CCDC3: variants seen among roughly 807,000 people sequenced by gnomAD.
The protein encoded by CCDC3 is coiled-coil domain-containing protein 3.
CCDC3 carries 24 observed loss-of-function variants against 21.4 expected under a neutral mutation model. The observed-to-expected ratio is 1.12, with a 90% CI of 0.81 to 1.58. The LOEUF (loss-of-function observed/expected upper bound fraction) is 1.58, where lower values mean the gene tolerates loss of function less well. Ranked by LOEUF, CCDC3 falls within the 40% of genes most tolerant of loss-of-function variation. The pLI, the probability that CCDC3 is intolerant of heterozygous loss-of-function variation, is 0.00. For synonymous variants in CCDC3, 186 were observed against 166.0 expected (o/e 1.12, Z -0.93); for missense variants, 425 against 360.9 (o/e 1.18, Z -1.44).
intron 1 of CCDC3, among the ~76,000 whole-genome samples, chr10:13,000,883 G>T (rs187705145): frequency 6.6e-6 from 1 of 152,300 alleles, no homozygotes; most frequent in African/African-American, 2.4e-5. Flanking sequence ...TCCCACTGAG[G>T]CCAGTTTAAA....
chr10:13,084,550 G>A (rs948495332), intron 3 of CCDC3, among the ~76,000 whole-genome samples: 2 of 152,136 alleles, frequency 1.3e-5, no homozygotes, highest in African/African-American at 4.8e-5. Flanking sequence ...GCCTCCCAAA[G>A]TGCTGGGATT....
intron 2 of CCDC3, among the ~76,000 whole-genome samples, chr10:12,976,102 T>C (rs1835413746): frequency 6.6e-6 from 1 of 152,076 alleles, no homozygotes; most frequent in Non-Finnish European, 1.5e-5. Context: ...CATCCCAGAG[T>C]GACAATCCCA....
chr10:12,972,504 T>C (rs760236174), intron 2 of CCDC3, among the ~76,000 whole-genome samples: 1 of 152,100 alleles, frequency 6.6e-6, no homozygotes, highest in Non-Finnish European at 1.5e-5. Flanking sequence ...CTCCAAGTCA[T>C]ATTCCAGAAG....
intron 2 of CCDC3, among the ~76,000 whole-genome samples, chr10:12,922,680 C>T (rs1195025307): frequency 3.3e-5 from 5 of 152,098 alleles, no homozygotes; most frequent in Admixed American, 3.3e-4. Context: ...TCCCGCGCCG[C>T]AGGAACCCAG....
intron 2 of CCDC3, among the ~76,000 whole-genome samples, chr10:12,948,392 G>C (rs1163875387): frequency 1.3e-5 from 2 of 152,062 alleles, no homozygotes; most frequent in Non-Finnish European, 2.9e-5. Flanking sequence ...ATATGGAGGA[G>C]ACCAGGGCCT....
intron 5 of CCDC3, among the ~76,000 whole-genome samples, chr10:13,018,215 G>T (rs1489826042): frequency 6.6e-6 from 1 of 152,064 alleles, no homozygotes; most frequent in African/African-American, 2.4e-5. Context: ...TTTCCCATAG[G>T]AAGTGAAGTC....
intron 3 of CCDC3, among the ~76,000 whole-genome samples, chr10:13,088,131 C>T (rs977988573): frequency 6.6e-6 from 1 of 152,100 alleles, no homozygotes; most frequent in African/African-American, 2.4e-5. Flanking sequence ...CACAGCCGCC[C>T]CAGTCAAATC....
intron 2 of CCDC3, among the ~76,000 whole-genome samples, chr10:12,937,316 C>T (rs918468187): frequency 2.0e-5 from 3 of 152,116 alleles, no homozygotes; most frequent in Non-Finnish European, 4.4e-5. Context: ...TGGTCTCTAC[C>T]TATTTATTTT....
chr10:13,025,748 C>T (rs544753558), intron 5 of CCDC3, among the ~76,000 whole-genome samples: 2 of 152,138 alleles, frequency 1.3e-5, no homozygotes, highest in Admixed American at 6.5e-5. Flanking sequence ...GCTTTTGTAA[C>T]TTGAGTCTCA....
At chr10:12,945,174 C>A (rs1374509830) in intron 2 of CCDC3, among the ~76,000 whole-genome samples, 4 of 152,152 alleles carry the variant, frequency 2.6e-5, no homozygotes, top group South Asian at 2.1e-4. Context: ...CTACAGACAG[C>A]TAGTGTAATA....
At chr10:13,026,731 G>A (rs771649661) in intron 5 of CCDC3, among the ~76,000 whole-genome samples, 5 of 152,094 alleles carry the variant, frequency 3.3e-5, no homozygotes, top group African/African-American at 4.8e-5. Context: ...TAACCATTTC[G>A]TTTTTCTCCC....
At chr10:13,077,545 T>A (rs1836982031) in intron 3 of CCDC3, among the ~76,000 whole-genome samples, 3 of 152,176 alleles carry the variant, frequency 2.0e-5, no homozygotes, top group Non-Finnish European at 4.4e-5. Flanking sequence ...AGAGCTGCAT[T>A]GCCAAGACAA....
chr10:13,074,702 G>A (rs1345680409), intron 3 of CCDC3, among the ~76,000 whole-genome samples: 2 of 151,926 alleles, frequency 1.3e-5, no homozygotes, highest in African/African-American at 4.8e-5. Flanking sequence ...AAATACGCGT[G>A]CACACACATA....
chr10:13,031,474 T>C (rs1334519397), intron 5 of CCDC3, among the ~76,000 whole-genome samples: 1 of 151,776 alleles, frequency 6.6e-6, no homozygotes, highest in Non-Finnish European at 1.5e-5. Flanking sequence ...AAGCTAGCAG[T>C]AGGCAAGAAA....
chr10:12,984,312 C>A (rs1292937878), intron 2 of CCDC3, among the ~76,000 whole-genome samples: 1 of 152,178 alleles, frequency 6.6e-6, no homozygotes, highest in African/African-American at 2.4e-5. Context: ...AGATGCTCGA[C>A]ATCATGAGTC....
chr10:12,911,104 G>C (rs1476704237), intron 2 of CCDC3, among the ~76,000 whole-genome samples: 5 of 152,154 alleles, frequency 3.3e-5, no homozygotes, highest in African/African-American at 1.2e-4. Flanking sequence ...CCATGACTCT[G>C]CAAGGCAGGT....
At chr10:13,095,459 A>G (rs2131457905) in intron 3 of CCDC3, among the ~76,000 whole-genome samples, 1 of 152,224 alleles carries the variant, frequency 6.6e-6, no homozygotes, top group South Asian at 2.1e-4. Flanking sequence ...TTGGGATGAA[A>G]TGGGTCCACC....
intron 5 of CCDC3, among the ~76,000 whole-genome samples, chr10:13,020,168 C>T (rs1010168211): frequency 2.0e-5 from 3 of 152,176 alleles, no homozygotes; most frequent in Admixed American, 6.5e-5. Flanking sequence ...AAAACCAAAT[C>T]CCCACTCTGA....
chr10:12,958,236 C>T (rs1835124284), intron 2 of CCDC3, among the ~76,000 whole-genome samples: 1 of 152,164 alleles, frequency 6.6e-6, no homozygotes, highest in Admixed American at 6.5e-5. Context: ...AACCCAACAA[C>T]CCAAGACCAT....
Sources: gnomAD v4.1 joint callset for allele counts (sites outside exome capture counted in the v4.1 genomes callset) on GRCh38, gnomAD v4.1.1 for gene constraint, MANE v1.5 for transcripts, NCBI Gene and HGNC (gene_info 2026-07-23, HGNC 2026-07-21) for gene names.